RTN1: variants seen among roughly 807,000 people sequenced by gnomAD.
RTN1 encodes the protein reticulon-1.
RTN1 carries 25 observed loss-of-function variants against 65.5 expected under a neutral mutation model. The observed-to-expected ratio is 0.38, with a 90% CI of 0.28 to 0.53. The LOEUF is 0.53. RTN1 is among the 20% of genes least tolerant of loss of function. The pLI is 0.79. For missense variants in RTN1, 983 were observed against 1,025.4 expected (o/e 0.96, Z 0.57); for synonymous variants, 471 against 447.6 (o/e 1.05, Z -0.66).
chr14:59,635,169 A>G (rs571414894), intron 3 of RTN1, among the ~76,000 whole-genome samples: 4 of 152,304 alleles, frequency 2.6e-5, no homozygotes, highest in African/African-American at 9.6e-5. Flanking sequence ...GCAAGCATAA[A>G]TCAAAGGCAG....
intron 1 of RTN1, among the ~76,000 whole-genome samples, chr14:59,864,636 C>T (rs1404600877): frequency 6.6e-6 from 1 of 152,004 alleles, no homozygotes; most frequent in Non-Finnish European, 1.5e-5. Flanking sequence ...CAAAGCCTGA[C>T]ATATAGCAAG....
chr14:59,834,720 T>A (rs1318292504), intron 1 of RTN1, among the ~76,000 whole-genome samples: 1 of 152,144 alleles, frequency 6.6e-6, no homozygotes, highest in Non-Finnish European at 1.5e-5. Context: ...ATATACAGCA[T>A]TTGTTGCATA....
chr14:59,630,835 G>T, intron 3 of RTN1: 3 of 1,008,574 alleles, frequency 3.0e-6, no homozygotes, highest in Non-Finnish European at 3.5e-6. Context: ...GCGCTGACGC[G>T]GACAGTGGGT....
chr14:59,635,907 A>C (rs1882656258), intron 3 of RTN1, among the ~76,000 whole-genome samples: 2 of 152,100 alleles, frequency 1.3e-5, no homozygotes, highest in Admixed American at 1.3e-4. Context: ...CCTTGCATGA[A>C]ATGACATTAT....
chr14:59,712,900 GAA>G (rs1385594766), intron 3 of RTN1, among the ~76,000 whole-genome samples: 3 of 123,292 alleles, frequency 2.4e-5, no homozygotes. Context: ...TGACAAGAGT[GAA>G]ACTCCATCTC....
chr14:59,669,651 G>A (rs933607990), intron 3 of RTN1, among the ~76,000 whole-genome samples: 1 of 152,058 alleles, frequency 6.6e-6, no homozygotes, highest in Non-Finnish European at 1.5e-5. Context: ...GCCATCTTAT[G>A]ATCATGAGGA....
intron 3 of RTN1, chr14:59,630,405 C>T (rs769672446): frequency 2.5e-6 from 4 of 1,612,416 alleles, no homozygotes; most frequent in Admixed American, 1.7e-5. Context: ...CCCGGGTTTC[C>T]CGTGCGCCTC....
chr14:59,612,042 C>A (rs373528896), intron 3 of RTN1, among the ~76,000 whole-genome samples: 1 of 152,144 alleles, frequency 6.6e-6, no homozygotes, highest in Non-Finnish European at 1.5e-5. Flanking sequence ...TCTGTCCCCA[C>A]CTGGAGTGGA....
chr14:59,870,587 G>T lies in RTN1; in HGVS notation c.44C>A (p.Ala15Asp). 6.9e-7 allele frequency: 1 copy of T among 1,446,096 alleles called. No individual in the cohort carries two copies. Among genetic ancestry groups the T allele is most frequent in the Non-Finnish European group, 9.1e-7 (1 of 1,104,192 alleles). 89.6% of individuals were successfully genotyped at this position (1,446,096 alleles called of 1,614,324 possible). The change falls in exon 1 of 9, where the codon GCC becomes GAC. Residue 15 changes from alanine to aspartate, a missense_variant. Transcript: ENST00000267484. This position sits in a 1 kb window ranked among gnomAD's most constrained non-coding sequence, Gnocchi z 5.1. ...CCTGAGCCACTGGGACCCGGGGCCG[G>T]CCAGCGGCAGCAGCTCGTCCTGCGG... ...GDPQDELLPL[A>D]GPGSQWLRHR...
intron 1 of RTN1, among the ~76,000 whole-genome samples, chr14:59,791,903 A>G (rs1186028698): frequency 8.5e-5 from 13 of 152,098 alleles, no homozygotes; most frequent in Admixed American, 7.9e-4. Context: ...GGAGCTTTCC[A>G]AATCCTTCCC....
chr14:59,631,991 G>C (rs1325128625), intron 3 of RTN1, among the ~76,000 whole-genome samples: 1 of 152,166 alleles, frequency 6.6e-6, no homozygotes, highest in African/African-American at 2.4e-5. Flanking sequence ...ACCAGCATGG[G>C]CCTAAGGACA....
chr14:59,723,611 G>A lies in RTN1; in HGVS notation c.1765+3308C>T, dbSNP rs191210845. ...AGCCTGGGCAACAGAGCGAGACTCC[G>A]TCTCAAAATAAATAAATAAATAAAA... On this transcript the variant is annotated intron_variant, in intron 3 of 8. Transcript: ENST00000267484. Among the ~76,000 whole-genome samples the A allele has an allele frequency of 2.5e-4, 38 of 152,010 alleles. 2 individuals carry two copies. The highest frequency in any genetic ancestry group is 1.7e-3 in the East Asian group (9 of 5,168).
intron 3 of RTN1, among the ~76,000 whole-genome samples, chr14:59,687,061 G>C (rs1175585286): frequency 1.3e-5 from 2 of 152,174 alleles, no homozygotes; most frequent in East Asian, 1.9e-4. Flanking sequence ...TTGCAGGCCC[G>C]GGGTGGGAGG....
chr14:59,756,723 CA>C (rs923258503), intron 1 of RTN1, among the ~76,000 whole-genome samples: 1 of 151,890 alleles, frequency 6.6e-6, no homozygotes, highest in Non-Finnish European at 1.5e-5. Flanking sequence ...TGGATAATAG[CA>C]AAAAAATGTG....
At chr14:59,869,591 G>GA in intron 1 of RTN1, among the ~76,000 whole-genome samples, 1 of 84,582 alleles carries the variant, frequency 1.2e-5, no homozygotes, top group South Asian at 4.5e-4. Context: ...GGGGGGGGGG[G>GA]GCGCTTAGAC....
At chr14:59,779,640 T>C (rs1886115868) in intron 1 of RTN1, among the ~76,000 whole-genome samples, 1 of 151,982 alleles carries the variant, frequency 6.6e-6, no homozygotes, top group Admixed American at 6.6e-5. Context: ...CTCCTCCTGA[T>C]ACATTATATC....
intron 1 of RTN1, among the ~76,000 whole-genome samples, chr14:59,748,516 T>A (rs549604555): frequency 1.5e-3 from 230 of 152,194 alleles, no homozygotes; most frequent in Middle Eastern, 3.4e-3. Flanking sequence ...AAATTGCAAC[T>A]TGCCTTCCCC....
intron 1 of RTN1, among the ~76,000 whole-genome samples, chr14:59,801,620 A>G (rs1886547659): frequency 6.6e-6 from 1 of 152,224 alleles, no homozygotes; most frequent in Non-Finnish European, 1.5e-5. Flanking sequence ...ACAGTTCTGC[A>G]GGAAGAAGAT....
chr14:59,815,354 G>A (rs967556373), intron 1 of RTN1, among the ~76,000 whole-genome samples: 1 of 152,080 alleles, frequency 6.6e-6, no homozygotes, highest in African/African-American at 2.4e-5. Flanking sequence ...CTGTGCACAG[G>A]AGCCCTCCTT....
Sources: gnomAD v4.1 joint callset for allele counts (sites outside exome capture counted in the v4.1 genomes callset) on GRCh38, gnomAD v4.1.1 for gene constraint, Gnocchi (gnomAD v3.1) non-coding constraint, MANE v1.5 for transcripts, NCBI Gene and HGNC (gene_info 2026-07-23, HGNC 2026-07-21) for gene names.